The following CCSER1 variants were observed in gnomAD, a reference collection of about 807,000 sequenced individuals.
The protein encoded by CCSER1 is coiled-coil serine rich protein 1.
In CCSER1, 41 loss-of-function variants were observed where a neutral mutation model predicts 82.0. The ratio of observed to expected loss-of-function variants is 0.50; its 90% CI spans 0.39 to 0.65. CCSER1 has a LOEUF of 0.65. CCSER1 is among the 30% of genes least tolerant of loss of function. The pLI is 0.00. For missense variants in CCSER1, 1,119 were observed against 1,064.2 expected (o/e 1.05, Z -0.72); for synonymous variants, 414 against 383.9 (o/e 1.08, Z -0.92).
At chr4:90,962,620 G>C (rs1273981299) in intron 9 of CCSER1, among the ~76,000 whole-genome samples, 3 of 151,994 alleles carry the variant, frequency 2.0e-5, no homozygotes, top group Non-Finnish European at 4.4e-5. Flanking sequence ...GAAAAGTTTA[G>C]AGCTTGGTAA....
chr4:91,394,189 C>T (rs1208758258), intron 10 of CCSER1, among the ~76,000 whole-genome samples: 1 of 151,824 alleles, frequency 6.6e-6, no homozygotes, highest in Non-Finnish European at 1.5e-5. Context: ...ACTGGTTATT[C>T]AATCATATGA....
At chr4:91,510,853 ATG>A (rs1759781321) in intron 10 of CCSER1, among the ~76,000 whole-genome samples, 2 of 152,122 alleles carry the variant, frequency 1.3e-5, no homozygotes, top group African/African-American at 4.8e-5. Context: ...TTTCTTGTAA[ATG>A]CTTTAGAACA....
At chr4:90,199,026 GC>G (rs1368289961) in intron 1 of CCSER1, among the ~76,000 whole-genome samples, 2 of 151,894 alleles carry the variant, frequency 1.3e-5, no homozygotes, top group Non-Finnish European at 2.9e-5. Flanking sequence ...TTACCTGTCT[GC>G]TATACATTTT....
At chr4:90,467,161 C>G (rs28791543) in intron 4 of CCSER1, among the ~76,000 whole-genome samples, 3 of 151,374 alleles carry the variant, frequency 2.0e-5, no homozygotes, top group African/African-American at 7.3e-5. Context: ...TGGAGGTGGG[C>G]GTATCATGAG....
At chr4:90,833,812 C>A (rs147748941) in intron 8 of CCSER1, among the ~76,000 whole-genome samples, 2 of 152,172 alleles carry the variant, frequency 1.3e-5, no homozygotes, top group Non-Finnish European at 2.9e-5. Context: ...GAGGCCTACC[C>A]TCCTCCCAAC....
At chr4:90,835,286 A>G (rs1413257424) in intron 8 of CCSER1, among the ~76,000 whole-genome samples, 2 of 152,188 alleles carry the variant, frequency 1.3e-5, no homozygotes, top group East Asian at 3.9e-4. Flanking sequence ...AGCCGAGATG[A>G]CGCCACTGCA....
chr4:91,432,754 A>G (rs975972262), intron 10 of CCSER1, among the ~76,000 whole-genome samples: 3 of 152,148 alleles, frequency 2.0e-5, no homozygotes, highest in African/African-American at 7.2e-5. Context: ...AGGTTTATAC[A>G]TTAGGGAAAT....
At chr4:90,167,535 A>T (rs1339334740) in intron 1 of CCSER1, among the ~76,000 whole-genome samples, 2 of 152,162 alleles carry the variant, frequency 1.3e-5, no homozygotes, top group Non-Finnish European at 1.5e-5. Flanking sequence ...CAGGTTTGTT[A>T]CATATGTATA....
chr4:90,584,436 G>C (rs1781762414), intron 5 of CCSER1, among the ~76,000 whole-genome samples: 1 of 152,174 alleles, frequency 6.6e-6, no homozygotes, highest in African/African-American at 2.4e-5. Flanking sequence ...GACAGCAACA[G>C]AAAAAGCTTG....
intron 10 of CCSER1, among the ~76,000 whole-genome samples, chr4:91,516,780 G>C (rs1560731462): frequency 1.3e-5 from 2 of 152,118 alleles, no homozygotes; most frequent in African/African-American, 4.8e-5. Context: ...CATTGAATCT[G>C]TAAATTTTGG....
chr4:91,498,245 C>T (rs992798628), intron 10 of CCSER1, among the ~76,000 whole-genome samples: 1 of 151,950 alleles, frequency 6.6e-6, no homozygotes, highest in African/African-American at 2.4e-5. Context: ...TATTTCACTT[C>T]TCCTTTCTTC....
intron 10 of CCSER1, among the ~76,000 whole-genome samples, chr4:91,274,978 C>T (rs10032650): frequency 0.4 from 60,937 of 151,492 alleles, 12,360 homozygotes; most frequent in South Asian, 0.47. Flanking sequence ...TGGTGGCAGG[C>T]GCTTGTAGTC....
At chr4:90,225,978 G>A (rs1743088875) in intron 1 of CCSER1, among the ~76,000 whole-genome samples, 2 of 152,154 alleles carry the variant, frequency 1.3e-5, no homozygotes, top group Admixed American at 6.5e-5. Flanking sequence ...GCTTTAAGAG[G>A]CCTGGCAGCC....
chr4:90,459,237 G>A (rs1338479900), intron 4 of CCSER1, among the ~76,000 whole-genome samples: 1 of 152,108 alleles, frequency 6.6e-6, no homozygotes, highest in Non-Finnish European at 1.5e-5. Context: ...GTATTTTCCA[G>A]CATTAGAATT....
chr4:90,945,729 A>G (rs1000036035), intron 9 of CCSER1, among the ~76,000 whole-genome samples: 11 of 152,158 alleles, frequency 7.2e-5, no homozygotes, highest in Admixed American at 4.6e-4. Flanking sequence ...CAAGTTCCAT[A>G]TGCTTCTCCC....
intron 10 of CCSER1, among the ~76,000 whole-genome samples, chr4:91,537,985 G>A (rs758664622): frequency 7.2e-5 from 11 of 152,064 alleles, no homozygotes; most frequent in Middle Eastern, 3.4e-3. Flanking sequence ...TCACAATACT[G>A]TTAGGATGAA....
intron 5 of CCSER1, among the ~76,000 whole-genome samples, chr4:90,569,233 GA>G (rs1190520468): frequency 7.4e-5 from 11 of 148,358 alleles, no homozygotes; most frequent in African/African-American, 1.7e-4. Flanking sequence ...TACAAAATAA[GA>G]AAAAAAAAAC....
chr4:90,511,466 G>T, intron 5 of CCSER1, among the ~76,000 whole-genome samples: 1 of 152,234 alleles, frequency 6.6e-6, no homozygotes, highest in East Asian at 1.9e-4. Context: ...ACAGCTTTAC[G>T]TTGGTGAAGA....
intron 9 of CCSER1, among the ~76,000 whole-genome samples, chr4:91,082,936 A>G (rs1221539541): frequency 6.6e-6 from 1 of 152,218 alleles, no homozygotes; most frequent in Non-Finnish European, 1.5e-5. Flanking sequence ...GATGTGGAGA[A>G]ATAGGGACAC....
Sources: allele counts gnomAD v4.1 joint callset (sites outside exome capture counted in the v4.1 genomes callset), GRCh38; gene constraint gnomAD v4.1.1; transcripts MANE v1.5; gene names NCBI Gene and HGNC (gene_info 2026-07-23, HGNC 2026-07-21).